The following PPP3CA variants were observed in gnomAD, a reference collection of about 807,000 sequenced individuals.
PPP3CA encodes the protein protein phosphatase 3 catalytic subunit alpha.
Under a neutral mutation model 66.5 loss-of-function variants are expected in PPP3CA, and 14 were observed. That is an observed-to-expected ratio of 0.21 (90% CI 0.14 to 0.33). PPP3CA has a LOEUF of 0.33. Ranked by LOEUF, PPP3CA falls within the 10% of genes least tolerant of loss-of-function variation. The pLI, the probability that PPP3CA is intolerant of heterozygous loss-of-function variation, is 1.00. For missense variants in PPP3CA, 317 were observed against 639.5 expected, an observed-to-expected ratio of 0.50 and a Z score of 5.44; for synonymous variants, 232 against 226.2, an observed-to-expected ratio of 1.03 and a Z score of -0.23.
chr4:101,163,471 T>C (rs1293232126), intron 2 of PPP3CA, among the ~76,000 whole-genome samples: 1 of 152,158 alleles, frequency 6.6e-6, no homozygotes, highest in Non-Finnish European at 1.5e-5. Flanking sequence ...GCATGTAGCA[T>C]AGACAGTGTG....
At chr4:101,076,453 A>T (rs918919110) in intron 8 of PPP3CA, among the ~76,000 whole-genome samples, 2 of 152,242 alleles carry the variant, frequency 1.3e-5, no homozygotes, top group African/African-American at 4.8e-5. Context: ...GAATGCATGC[A>T]AAAGCTAACA....
At chr4:101,133,491 C>T (rs1010619686) in intron 2 of PPP3CA, among the ~76,000 whole-genome samples, 2 of 152,148 alleles carry the variant, frequency 1.3e-5, no homozygotes, top group African/African-American at 4.8e-5. Context: ...AACTCCCATT[C>T]ACAACTGCTA....
intron 2 of PPP3CA, among the ~76,000 whole-genome samples, chr4:101,175,800 G>C (rs1724041213): frequency 6.6e-6 from 1 of 152,096 alleles, no homozygotes; most frequent in African/African-American, 2.4e-5. Flanking sequence ...TATAGGAGTG[G>C]AGTAGTTTGC....
intron 8 of PPP3CA, among the ~76,000 whole-genome samples, chr4:101,073,675 G>C (rs1320770239): frequency 6.6e-6 from 1 of 151,990 alleles, no homozygotes; most frequent in Non-Finnish European, 1.5e-5. Flanking sequence ...ACTCTCTTAG[G>C]CTTAATAATC....
At chr4:101,327,819 T>C (rs1729252681) in intron 1 of PPP3CA, among the ~76,000 whole-genome samples, 1 of 152,144 alleles carries the variant, frequency 6.6e-6, no homozygotes, top group South Asian at 2.1e-4. Flanking sequence ...ATGAAAACCC[T>C]TACATTTCAA....
chr4:101,269,955 C>G (rs1008511125), intron 1 of PPP3CA, among the ~76,000 whole-genome samples: 20 of 152,072 alleles, frequency 1.3e-4, no homozygotes, highest in Non-Finnish European at 2.5e-4. Flanking sequence ...CTGTGGCATA[C>G]AGCTGGCTGC....
Position 101,184,436 on chromosome 4 carries a change from A to C in PPP3CA, c.259+11480T>G, listed in dbSNP as rs150089971. ...CTAGCCACAAGTGGCAATTGAGCAC[A>C]TGAAATATAGTCAGACTGAAATGTG... On this transcript the variant is annotated intron_variant, in intron 2 of 13. Transcript: ENST00000394854. Among the ~76,000 whole-genome samples the C allele has an allele frequency of 4.1e-3, 625 of 152,348 alleles. 4 individuals carry two copies. The highest frequency in any genetic ancestry group is 7.4e-3 in the Non-Finnish European group (500 of 68,026).
chr4:101,333,270 GTTTTTTTTTTTTTTTT>G (rs70961788), intron 1 of PPP3CA, among the ~76,000 whole-genome samples: 5 of 47,240 alleles, frequency 1.1e-4, no homozygotes, highest in Non-Finnish European at 2.0e-4. Context: ...ACCATGCCCA[GTTTTTTTTTTTTTTTT>G]TTTTTTTTTT....
chr4:101,193,573 A>G (rs1724686983), intron 2 of PPP3CA, among the ~76,000 whole-genome samples: 1 of 152,006 alleles, frequency 6.6e-6, no homozygotes, highest in Admixed American at 6.6e-5. Flanking sequence ...CTAAATCCAC[A>G]CGCTAAATCC....
chr4:101,193,270 T>C (rs186526513), intron 2 of PPP3CA, among the ~76,000 whole-genome samples: 9 of 152,248 alleles, frequency 5.9e-5, no homozygotes, highest in Admixed American at 4.6e-4. Context: ...CACCAAAATG[T>C]GTTGCCTCAC....
intron 2 of PPP3CA, among the ~76,000 whole-genome samples, chr4:101,148,689 A>T (rs1723043018): frequency 6.6e-6 from 1 of 152,156 alleles, no homozygotes; most frequent in Non-Finnish European, 1.5e-5. Flanking sequence ...ATCCCAAGAG[A>T]CCTGGTGCCT....
rs148203248 is a variant in PPP3CA, at chr4:101,287,099, T to C, written c.58+59640A>G. On this transcript the variant is annotated intron_variant, in intron 1 of 13. Transcript: ENST00000394854. ...TAAAATAAATAGTAATGTGAGGCTA[T>C]GTTTACTAAACTTTTAATGTTTAAA... Among the ~76,000 whole-genome samples, 491 of 152,300 alleles carry C rather than the reference T, an allele frequency of 3.2e-3. 4 individuals carry two copies. The highest frequency in any genetic ancestry group is 5.9e-3 in the Non-Finnish European group (400 of 68,024).
chr4:101,174,896 G>T (rs562240526), intron 2 of PPP3CA, among the ~76,000 whole-genome samples: 2 of 152,116 alleles, frequency 1.3e-5, no homozygotes, highest in Admixed American at 6.6e-5. Context: ...CACAGTATAC[G>T]TAACTTGAAC....
intron 6 of PPP3CA, among the ~76,000 whole-genome samples, chr4:101,083,749 T>C (rs1729540261): frequency 6.6e-6 from 1 of 152,180 alleles, no homozygotes. Context: ...ATTATTTTTG[T>C]TTCTATAATC....
chr4:101,055,013 T>G (rs1195010622), intron 10 of PPP3CA, among the ~76,000 whole-genome samples: 1 of 152,124 alleles, frequency 6.6e-6, no homozygotes, highest in Admixed American at 6.6e-5. Flanking sequence ...CAGTTTAACT[T>G]CCACAGTTTT....
intron 2 of PPP3CA, among the ~76,000 whole-genome samples, chr4:101,193,522 A>C (rs1279190562): frequency 3.9e-5 from 6 of 152,026 alleles, no homozygotes; most frequent in African/African-American, 1.4e-4. Flanking sequence ...TGTCTGGATA[A>C]ACTTCATCTC....
Position 101,040,461 on chromosome 4 carries a change from A to T in PPP3CA, c.1241+21T>A, listed in dbSNP as rs562372062. The T allele has an allele frequency of 1.3e-4, 207 of 1,540,824 alleles. 1 individual carries two copies. The highest frequency in any genetic ancestry group is 1.1e-3 in the South Asian group (92 of 81,864). ...ACACATAATACAATTTGAAACAAAAACAGAGTACGAATGCACCCACCTGAG... is the reference window on the plus strand; with the variant it reads ...ACACATAATACAATTTGAAACAAAATCAGAGTACGAATGCACCCACCTGAG... On this transcript the variant is annotated intron_variant, in intron 11 of 13. Transcript: ENST00000394854.
intron 1 of PPP3CA, among the ~76,000 whole-genome samples, chr4:101,288,748 A>C (rs1168148356): frequency 6.6e-6 from 1 of 152,196 alleles, no homozygotes; most frequent in Non-Finnish European, 1.5e-5. Flanking sequence ...TAAAGGAAGC[A>C]GCTGTGTAAA....
At chr4:101,115,951 A>G (rs1721825974) in intron 2 of PPP3CA, among the ~76,000 whole-genome samples, 1 of 152,014 alleles carries the variant, frequency 6.6e-6, no homozygotes, top group Non-Finnish European at 1.5e-5. Context: ...GAAACAATAA[A>G]TTTACAAACT....
Sources: gnomAD v4.1 joint callset for allele counts (sites outside exome capture counted in the v4.1 genomes callset) on GRCh38, gnomAD v4.1.1 for gene constraint, MANE v1.5 for transcripts, NCBI Gene and HGNC (gene_info 2026-07-23, HGNC 2026-07-21) for gene names.